PITPNM2: variants seen among roughly 807,000 people sequenced by gnomAD.
PITPNM2 encodes the protein membrane-associated phosphatidylinositol transfer protein 2.
In PITPNM2, 35 loss-of-function variants were observed where a neutral mutation model predicts 132.2. The ratio of observed to expected loss-of-function variants is 0.26; its 90% confidence interval spans 0.20 to 0.35. The LOEUF is 0.35. Among genes scored for constraint, PITPNM2 ranks in the 10% least tolerant of loss-of-function variants. The pLI is 1.00. For synonymous variants in PITPNM2, 738 were observed against 799.2 expected, an observed-to-expected ratio of 0.92 and a Z score of 1.29; for missense variants, 1,332 against 1,912.0, an observed-to-expected ratio of 0.70 and a Z score of 5.66.
chr12:122,990,613 C>G lies in PITPNM2; in HGVS notation c.2501G>C (p.Ser834Thr). 1 of 1,612,238 alleles carries G rather than the reference C, an allele frequency of 6.2e-7. No homozygotes were observed. Among genetic ancestry groups the G allele is most frequent in the Non-Finnish European group, 8.5e-7 (1 of 1,179,944 alleles). ...CACCTGGCTGGCGATGCTGATCTCACTGGCTCGGCGGAAGCCACGACTGGC... is the reference window on the plus strand; with the variant it reads ...CACCTGGCTGGCGATGCTGATCTCAGTGGCTCGGCGGAAGCCACGACTGGC... The part of the protein sequence containing the change: ...APASRGFRRA[S>T]EISIASQVSG... The change falls in exon 17 of 26, where the codon AGT becomes ACT. Residue 834 changes from serine (S) to threonine (T), a missense_variant. By Grantham distance (58) the Ser-to-Thr change is moderately conservative. This residue lies in a region of PITPNM2 where 710 missense variants were observed against 911.5 expected (regional missense o/e 0.78). Coordinates refer to ENST00000320201, the MANE Select transcript of PITPNM2 (RefSeq NM_020845.3).
intron 2 of PITPNM2, among the ~76,000 whole-genome samples, chr12:123,043,371 G>A (rs1333200349): frequency 6.6e-6 from 1 of 152,094 alleles, no homozygotes; most frequent in African/African-American, 2.4e-5. Context: ...TTGAGCAGGA[G>A]GACACAGCTC....
At chr12:123,052,329 AT>A (rs1445504054) in intron 2 of PITPNM2, among the ~76,000 whole-genome samples, 7 of 152,300 alleles carry the variant, frequency 4.6e-5, no homozygotes, top group Admixed American at 2.6e-4. Context: ...TTTAAACAAA[AT>A]AAATTTATTC....
At chr12:123,037,402 C>T (rs997508847) in intron 2 of PITPNM2, among the ~76,000 whole-genome samples, 3 of 152,220 alleles carry the variant, frequency 2.0e-5, no homozygotes, top group Non-Finnish European at 4.4e-5. Flanking sequence ...GCCCCAGCAT[C>T]GCCCAACTAG....
chr12:123,029,047 T>C (rs1592956770), intron 3 of PITPNM2, among the ~76,000 whole-genome samples: 2 of 151,670 alleles, frequency 1.3e-5, no homozygotes, highest in Non-Finnish European at 1.5e-5. Context: ...CAGGCTGGGG[T>C]TGAGAGGGGA....
At chr12:122,986,597 T>C in intron 24 of PITPNM2, 33 bp from the exon 25 acceptor site, 1 of 1,599,646 alleles carries the variant, frequency 6.3e-7, no homozygotes, top group Non-Finnish European at 8.5e-7. Context: ...ACAGGCACCA[T>C]GGTCCCTCTG....
intron 3 of PITPNM2, among the ~76,000 whole-genome samples, chr12:123,027,317 G>A (rs560078899): frequency 1.3e-5 from 2 of 152,290 alleles, no homozygotes; most frequent in South Asian, 2.1e-4. Flanking sequence ...GCACTGGAAG[G>A]CAGAGCTGTG....
intron 1 of PITPNM2, among the ~76,000 whole-genome samples, chr12:123,142,876 T>G (rs1452318289): frequency 2.1e-5 from 2 of 93,842 alleles, no homozygotes; most frequent in Non-Finnish European, 2.6e-5. Context: ...TTTTTCTCCC[T>G]CTTATGAAAA....
rs1200576405 is a variant in PITPNM2, at chr12:123,022,675, C to T, written c.79-8633G>A. On this transcript the variant is annotated intron_variant, in intron 3 of 25. Transcript: ENST00000320201. This position sits in a 1 kb window ranked among gnomAD's most constrained non-coding sequence, Gnocchi z 4.9. ...GAGTACTGGAGCCAAGTCTCCCAGG[C>T]CATGAGTGACTGTGGTAGTGCAGAG... is the stretch of plus-strand genomic sequence containing the variant. Among the ~76,000 whole-genome samples, 1 of 152,188 alleles carries T rather than the reference C, an allele frequency of 6.6e-6. No homozygotes were observed. Among genetic ancestry groups the T allele is most frequent in the African/African-American group, 2.4e-5 (1 of 41,436 alleles).
At chr12:123,145,709 T>C (rs1230971387) in intron 1 of PITPNM2, among the ~76,000 whole-genome samples, 1 of 152,196 alleles carries the variant, frequency 6.6e-6, no homozygotes, top group Non-Finnish European at 1.5e-5. Context: ...AGGGCAGTTG[T>C]TAATATAAGT....
At chr12:123,127,867 C>A (rs1407536661) in intron 1 of PITPNM2, among the ~76,000 whole-genome samples, 2 of 152,104 alleles carry the variant, frequency 1.3e-5, no homozygotes, top group African/African-American at 4.8e-5. Context: ...CCTTGGCCTC[C>A]CAAAGTGCTG....
At chr12:123,028,926 G>T (rs536919062) in intron 3 of PITPNM2, among the ~76,000 whole-genome samples, 11 of 152,224 alleles carry the variant, frequency 7.2e-5, no homozygotes, top group Non-Finnish European at 1.5e-4. Context: ...GACAGTAGGG[G>T]TCTTGGTGAC....
intron 3 of PITPNM2, among the ~76,000 whole-genome samples, chr12:123,027,897 C>G (rs1292700751): frequency 1.3e-5 from 2 of 152,218 alleles, no homozygotes; most frequent in Non-Finnish European, 2.9e-5. Context: ...CCTCCTGGCA[C>G]AGCTACTCAG....
chr12:122,987,226 C>T, intron 23 of PITPNM2, 55 bp downstream of exon 23: 3 of 1,597,482 alleles, frequency 1.9e-6, no homozygotes, highest in Non-Finnish European at 2.6e-6. Context: ...CTGGTGGGAG[C>T]CCCTGAGCCC....
chr12:123,002,457 G>A (rs570313462), intron 8 of PITPNM2, among the ~76,000 whole-genome samples: 1 of 152,284 alleles, frequency 6.6e-6, no homozygotes, highest in South Asian at 2.1e-4. Context: ...TTGACGCCCA[G>A]GCTGGAGTGT....
At chr12:123,026,942 T>C (rs1328675074) in intron 3 of PITPNM2, among the ~76,000 whole-genome samples, 1 of 152,238 alleles carries the variant, frequency 6.6e-6, no homozygotes, top group Non-Finnish European at 1.5e-5. Flanking sequence ...TCAAGATCCT[T>C]AACAAATTAC....
At chr12:123,029,569 G>A (rs2039995311) in intron 3 of PITPNM2, among the ~76,000 whole-genome samples, 2 of 152,332 alleles carry the variant, frequency 1.3e-5, no homozygotes, top group African/African-American at 2.4e-5. Flanking sequence ...CTGGGGAACA[G>A]AGTGAGACTT....
At chr12:123,125,861 A>AG (rs1224763199) in intron 1 of PITPNM2, among the ~76,000 whole-genome samples, 6 of 71,094 alleles carry the variant, frequency 8.4e-5, no homozygotes, top group Non-Finnish European at 1.3e-4. Context: ...AAAAAAAATT[A>AG]GGGTTTTTTT....
At position 123,052,088 on chromosome 12, in the gene PITPNM2, T is replaced by G. The variant is rs182169756; in HGVS notation, c.-95-17403A>C. 1.3e-3 allele frequency among the ~76,000 whole-genome samples: 198 copies of G among 148,316 alleles called. 1 individual carries two copies. The highest frequency in any genetic ancestry group is 2.2e-3 in the Non-Finnish European group (149 of 66,866). ...CGGTTAATTTTATTGTTTTTTTTTT[T>G]TTTTTTTTTTGTATTTTTAGTAGAG... On this transcript the variant is annotated intron_variant, in intron 2 of 25. Transcript: ENST00000320201.
intron 16 of PITPNM2, chr12:122,991,629 T>G (rs566831961): frequency 9.5e-7 from 1 of 1,050,140 alleles, no homozygotes; most frequent in East Asian, 3.2e-5. Flanking sequence ...TGCCCAAGTC[T>G]CTGTTCCTCA....
Sources: allele counts gnomAD v4.1 joint callset (sites outside exome capture counted in the v4.1 genomes callset), GRCh38; gene constraint gnomAD v4.1.1; regional missense constraint gnomAD v4.1.1; non-coding constraint Gnocchi (gnomAD v3.1); transcripts MANE v1.5; gene names NCBI Gene and HGNC (gene_info 2026-07-23, HGNC 2026-07-21).